The following EML1 variants were observed in gnomAD, a reference collection of about 807,000 sequenced individuals.
The protein encoded by EML1 is echinoderm microtubule-associated protein-like 1.
Under a neutral mutation model 110.4 loss-of-function variants are expected in EML1, and 27 were observed. The ratio of observed to expected loss-of-function variants is 0.24; its 90% CI spans 0.18 to 0.34. The LOEUF (loss-of-function observed/expected upper bound fraction) is 0.34. Among genes scored for constraint, EML1 ranks in the 10% least tolerant of loss-of-function variants. The probability of loss-of-function intolerance (pLI) is 1.00; values close to 1 mark genes in which losing one functional copy is unlikely to be tolerated. For synonymous variants in EML1, 344 were observed against 385.8 expected (o/e 0.89, Z 1.27); for missense variants, 741 against 1,030.9 (o/e 0.72, Z 3.85).
At chr14:99,847,885 G>C (rs527508715) in intron 1 of EML1, among the ~76,000 whole-genome samples, 146 of 151,070 alleles carry the variant, frequency 9.7e-4, no homozygotes, top group Admixed American at 2.4e-3. Context: ...ATCTATCTGT[G>C]TCTTTGTATT....
At chr14:99,856,605 T>C (rs1180012898) in intron 2 of EML1, among the ~76,000 whole-genome samples, 1 of 152,232 alleles carries the variant, frequency 6.6e-6, no homozygotes, top group African/African-American at 2.4e-5. Context: ...AAAAAATCTT[T>C]TCTCTTTTGC....
chr14:99,780,912 A>G (rs1192888286), intron 1 of EML1, among the ~76,000 whole-genome samples: 2 of 152,118 alleles, frequency 1.3e-5, no homozygotes, highest in Non-Finnish European at 2.9e-5. Flanking sequence ...ACAATGATGA[A>G]ATTGCCTAAC....
At chr14:99,912,408 C>G (rs1343934622) in intron 13 of EML1, among the ~76,000 whole-genome samples, 1 of 152,132 alleles carries the variant, frequency 6.6e-6, no homozygotes, top group Non-Finnish European at 1.5e-5. Context: ...TCTGCCCACT[C>G]AGTGAATTTT....
At chr14:99,886,725 C>T (rs556644482) in intron 4 of EML1, among the ~76,000 whole-genome samples, 1 of 152,146 alleles carries the variant, frequency 6.6e-6, no homozygotes. Flanking sequence ...GGCCCCAGAG[C>T]CCCCTTTCAG....
chr14:99,826,607 C>T (rs2058364006), intron 1 of EML1, among the ~76,000 whole-genome samples: 2 of 152,062 alleles, frequency 1.3e-5, no homozygotes, highest in South Asian at 2.1e-4. Context: ...GAGAATGAGC[C>T]CCTGCCCCAT....
At chr14:99,744,363 C>A (rs964771414) in intron 1 of EML1, among the ~76,000 whole-genome samples, 1 of 152,118 alleles carries the variant, frequency 6.6e-6, no homozygotes, top group East Asian at 1.9e-4. Flanking sequence ...AGAGAGATGG[C>A]GACACAGCAC....
At chr14:99,747,544 T>C (rs2057125717) in intron 1 of EML1, among the ~76,000 whole-genome samples, 1 of 152,146 alleles carries the variant, frequency 6.6e-6, no homozygotes, top group South Asian at 2.1e-4. Flanking sequence ...GGATGTCCTA[T>C]GGGTGAGGGG....
At chr14:99,900,369 T>C (rs888710666) in intron 8 of EML1, among the ~76,000 whole-genome samples, 5 of 151,994 alleles carry the variant, frequency 3.3e-5, no homozygotes, top group African/African-American at 1.2e-4. Flanking sequence ...TTGTATTTTG[T>C]AGAGACAGGG....
At chr14:99,838,909 G>A (rs1042342728) in intron 1 of EML1, 4 of 113,190 alleles carry the variant, frequency 3.5e-5, no homozygotes, top group African/African-American at 4.0e-5. Flanking sequence ...TGGGGAGTGC[G>A]CGCGCGCGCG....
At chr14:99,791,297 C>A (rs1038524125), upstream of EML1, among the ~76,000 whole-genome samples, 3 of 152,224 alleles carry the variant, frequency 2.0e-5, no homozygotes, top group African/African-American at 7.2e-5. Context: ...CAGCCTCATC[C>A]TCCTTGACTC....
At chr14:99,897,762 G>C (rs574880144) in intron 7 of EML1, among the ~76,000 whole-genome samples, 2 of 152,052 alleles carry the variant, frequency 1.3e-5, no homozygotes, top group African/African-American at 2.4e-5. Flanking sequence ...TGGCTGAGTC[G>C]GCTCTTCCCA....
intron 14 of EML1, 62 bp downstream of exon 14, chr14:99,914,366 C>T: frequency 6.3e-7 from 1 of 1,576,896 alleles, no homozygotes; most frequent in Non-Finnish European, 8.6e-7. Context: ...AGACCCTAAT[C>T]AAGCATTACA....
At chr14:99,856,890 T>C (rs1362900779) in intron 2 of EML1, among the ~76,000 whole-genome samples, 1 of 152,230 alleles carries the variant, frequency 6.6e-6, no homozygotes. Flanking sequence ...TCACCCCATA[T>C]TGGATTATTT....
rs1165819181 is a variant in EML1, at chr14:99,894,616, G to T, written c.548-13G>T. The T allele has an allele frequency of 1.2e-6, 2 of 1,608,746 alleles. No individual in the cohort carries two copies. The highest frequency in any genetic ancestry group is 1.7e-6 in the Non-Finnish European group (2 of 1,177,792). ...ACTGAGGTATCTTACTGAAATCTTT[G>T]TTCTTTTTGTAGAAGAAGGCTATGT... On this transcript the variant is annotated splice_polypyrimidine_tract_variant and intron_variant, in intron 5 of 21. Transcript: ENST00000262233.
intron 1 of EML1, among the ~76,000 whole-genome samples, chr14:99,802,616 G>A (rs1438834144): frequency 6.6e-6 from 1 of 152,116 alleles, no homozygotes; most frequent in African/African-American, 2.4e-5. Flanking sequence ...AACTGGAGAT[G>A]GCAGGACAGG....
chr14:99,810,991 G>A (rs528336090), intron 1 of EML1, among the ~76,000 whole-genome samples: 1 of 152,176 alleles, frequency 6.6e-6, no homozygotes, highest in Admixed American at 6.5e-5. Context: ...ACATGGTAAA[G>A]TATTTCTGAT....
intron 1 of EML1, among the ~76,000 whole-genome samples, chr14:99,800,511 G>T (rs1024366733): frequency 6.6e-6 from 1 of 152,054 alleles, no homozygotes; most frequent in African/African-American, 2.4e-5. Context: ...ATAGGCATGC[G>T]CCACCACACC....
intron 1 of EML1, among the ~76,000 whole-genome samples, chr14:99,755,321 G>C (rs532745267): frequency 7.0e-4 from 107 of 152,370 alleles, no homozygotes; most frequent in African/African-American, 2.5e-3. Context: ...GGAGGGGCCT[G>C]AGAGGCGCTA....
intron 1 of EML1, among the ~76,000 whole-genome samples, chr14:99,775,925 A>T (rs192648682): frequency 1.4e-3 from 211 of 152,322 alleles, no homozygotes; most frequent in African/African-American, 4.7e-3. Flanking sequence ...TTGACACGAA[A>T]ATAATATTTG....
Sources: gnomAD v4.1 joint callset for allele counts (sites outside exome capture counted in the v4.1 genomes callset) on GRCh38, gnomAD v4.1.1 for gene constraint, MANE v1.5 for transcripts, NCBI Gene and HGNC (gene_info 2026-07-23, HGNC 2026-07-21) for gene names.